Variants in CLEC16A observed in about 807,000 individuals in gnomAD.
CLEC16A encodes the protein C-type lectin domain containing 16A.
In CLEC16A, 51 loss-of-function variants were observed where a neutral mutation model predicts 109.5. That is an observed-to-expected ratio of 0.47 (90% CI 0.37 to 0.59). CLEC16A has a LOEUF of 0.59. CLEC16A is among the 20% of genes least tolerant of loss of function. The pLI, the probability that CLEC16A is intolerant of heterozygous loss-of-function variation, is 0.00. For synonymous variants in CLEC16A, 673 were observed against 564.2 expected (o/e 1.19, Z -2.73); for missense variants, 1,339 against 1,394.0 (o/e 0.96, Z 0.63).
At chr16:11,167,569 T>C (rs1045087500) in intron 23 of CLEC16A, among the ~76,000 whole-genome samples, 1 of 152,090 alleles carries the variant, frequency 6.6e-6, no homozygotes, top group African/African-American at 2.4e-5. Context: ...CCTACACCTC[T>C]CTCTTGGGCA....
intron 3 of CLEC16A, among the ~76,000 whole-genome samples, chr16:10,966,175 G>C (rs1426045340): frequency 2.0e-5 from 3 of 152,158 alleles, no homozygotes; most frequent in African/African-American, 7.2e-5. Context: ...GGACTATTCA[G>C]AGAATGTACT....
chr16:11,167,009 C>T (rs754113473), intron 23 of CLEC16A, among the ~76,000 whole-genome samples: 1 of 152,170 alleles, frequency 6.6e-6, no homozygotes, highest in African/African-American at 2.4e-5. Context: ...TAGGCACGCA[C>T]TTTGCCACTC....
chr16:11,161,920 G>A (rs1259594455), intron 22 of CLEC16A, among the ~76,000 whole-genome samples: 1 of 152,186 alleles, frequency 6.6e-6, no homozygotes, highest in Non-Finnish European at 1.5e-5. Context: ...TCTGAATCTT[G>A]AATCACATGG....
intron 21 of CLEC16A, among the ~76,000 whole-genome samples, chr16:11,125,547 C>T (rs926988188): frequency 7.9e-5 from 12 of 152,300 alleles, no homozygotes; most frequent in Non-Finnish European, 7.4e-5. Flanking sequence ...TCCATATTTT[C>T]GCATGCTCCT....
chr16:11,066,730 GGTGT>G (rs955450560), intron 19 of CLEC16A: 1 of 152,202 alleles, frequency 6.6e-6, no homozygotes, highest in African/African-American at 2.4e-5. Context: ...TAGATCATGT[GGTGT>G]GTAAGGGAAG....
chr16:11,003,240 A>G lies in CLEC16A; in HGVS notation c.1238A>G (p.Asp413Gly). 1.2e-6 allele frequency: 2 copies of G among 1,613,262 alleles called. No homozygotes were observed. The highest frequency in any genetic ancestry group is 1.7e-6 in the Non-Finnish European group (2 of 1,179,826). ...EKGPTEDAQE[D>G]AEKAKGTEGG... ...GGGCCCACCGAGGATGCCCAAGAAGACGCCGAGAAGGCTAAAGGTACAGAG... is the reference window on the plus strand; with the variant it reads ...GGGCCCACCGAGGATGCCCAAGAAGGCGCCGAGAAGGCTAAAGGTACAGAG... The change falls in exon 11 of 24, where the codon GAC (aspartate) becomes GGC (glycine). Residue 413 changes from aspartate to glycine, a missense_variant. Physicochemically the swap from Asp to Gly is moderately conservative, Grantham distance 94 (BLOSUM62 -1). This residue lies in a region of CLEC16A where 1,061 missense variants were observed against 1,006.8 expected (regional missense o/e 1.05). Transcript: ENST00000409790.
intron 22 of CLEC16A, among the ~76,000 whole-genome samples, chr16:11,133,627 T>C (rs1046991415): frequency 6.6e-6 from 1 of 152,230 alleles, no homozygotes; most frequent in Non-Finnish European, 1.5e-5. Context: ...GTTTCATTCA[T>C]AGACATCAGT....
chr16:11,138,730 C>T (rs192675841), intron 22 of CLEC16A, among the ~76,000 whole-genome samples: 1 of 152,184 alleles, frequency 6.6e-6, no homozygotes, highest in African/African-American at 2.4e-5. Flanking sequence ...CACTCAACAG[C>T]GTATCCTGGA....
chr16:11,029,623 G>A (rs1398782480), intron 13 of CLEC16A, among the ~76,000 whole-genome samples: 5 of 152,176 alleles, frequency 3.3e-5, no homozygotes, highest in Non-Finnish European at 5.9e-5. Flanking sequence ...TTCATCCAGA[G>A]TCTGATAACC....
At chr16:11,090,830 T>G (rs2050262635) in intron 19 of CLEC16A, among the ~76,000 whole-genome samples, 1 of 148,090 alleles carries the variant, frequency 6.8e-6, no homozygotes, top group African/African-American at 2.5e-5. Context: ...TTTTTTTTTT[T>G]TTTTTTTTGG....
chr16:11,020,044 TGTCTCTGGTGTTCAG>T, intron 11 of CLEC16A, 134 bp from the exon 12 acceptor site: 1 of 767,184 alleles, frequency 1.3e-6, no homozygotes, highest in Admixed American at 3.6e-5. Flanking sequence ...CACCCCAGTG[TGTCTCTGGTGTTCAG>T]GTCGCTGCTG....
At chr16:10,996,583 C>T (rs1355041491) in intron 10 of CLEC16A, among the ~76,000 whole-genome samples, 1 of 152,196 alleles carries the variant, frequency 6.6e-6, no homozygotes, top group African/African-American at 2.4e-5. Flanking sequence ...TCTATCAAGC[C>T]GTCCTAAGCT....
chr16:10,965,969 G>A (rs2042481735), intron 3 of CLEC16A, among the ~76,000 whole-genome samples: 1 of 152,134 alleles, frequency 6.6e-6, no homozygotes, highest in Admixed American at 6.5e-5. Context: ...CTGGTGGTCT[G>A]GAAGCCACTA....
chr16:11,152,888 C>T (rs2054351195), intron 22 of CLEC16A, among the ~76,000 whole-genome samples: 1 of 152,098 alleles, frequency 6.6e-6, no homozygotes. Context: ...CGCCAGGGGT[C>T]ATTGAAAGGC....
chr16:10,994,337 G>T (rs865917159), intron 10 of CLEC16A, among the ~76,000 whole-genome samples: 15 of 152,272 alleles, frequency 9.9e-5, no homozygotes, highest in Middle Eastern at 6.8e-3. Context: ...GCGGCTCCTG[G>T]ATTGGCGAGT....
Position 10,995,421 on chromosome 16 carries a change from A to G in CLEC16A, c.1072-7653A>G, listed in dbSNP as rs561802314. ...GATGGGGAAGGTTAGCCAGGGGCCCAGGAGCATGTTGGGGAGGCTGAGTCT... is the reference window on the plus strand; with the variant it reads ...GATGGGGAAGGTTAGCCAGGGGCCCGGGAGCATGTTGGGGAGGCTGAGTCT... On this transcript the variant is annotated intron_variant, in intron 10 of 23. Coordinates refer to ENST00000409790, the MANE Select transcript of CLEC16A (RefSeq NM_015226.3). 2.0e-5 allele frequency among the ~76,000 whole-genome samples: 3 copies of G among 152,330 alleles called. No homozygotes were observed. In the South Asian group the frequency reaches 6.2e-4, roughly 32 times the overall value.
intron 9 of CLEC16A, among the ~76,000 whole-genome samples, chr16:10,982,184 C>T (rs550871598): frequency 1.1e-4 from 17 of 152,308 alleles, no homozygotes; most frequent in Admixed American, 2.0e-4. Flanking sequence ...TTTGAATACC[C>T]TGATTCTTAA....
chr16:11,153,358 T>C (rs138317118), intron 22 of CLEC16A, among the ~76,000 whole-genome samples: 1 of 152,164 alleles, frequency 6.6e-6, no homozygotes, highest in East Asian at 1.9e-4. Flanking sequence ...ACATAGAAAC[T>C]AAGGTTTTTA....
chr16:11,140,804 A>T lies in CLEC16A; in HGVS notation c.2641+14658A>T, dbSNP rs147425656. Among the ~76,000 whole-genome samples the T allele has an allele frequency of 7.7e-3, 1,167 of 152,302 alleles. 17 individuals are homozygous for T. Among genetic ancestry groups the T allele is most frequent in the African/African-American group, 0.026 (1,095 of 41,566 alleles). On this transcript the variant is annotated intron_variant, in intron 22 of 23. Transcript: ENST00000409790. ...ATTGCAATCAAGAGGCTAGGGCCAC[A>T]CACCCTGGAGCCAGACCCCCCAGGT...
Sources: allele counts gnomAD v4.1 joint callset (sites outside exome capture counted in the v4.1 genomes callset), GRCh38; gene constraint gnomAD v4.1.1; regional missense constraint gnomAD v4.1.1; transcripts MANE v1.5; gene names NCBI Gene and HGNC (gene_info 2026-07-23, HGNC 2026-07-21).